EBF3: variants seen among roughly 807,000 people sequenced by gnomAD.
The protein encoded by EBF3 is transcription factor COE3.
EBF3 carries 18 observed loss-of-function variants against 77.1 expected under a neutral mutation model. The ratio of observed to expected loss-of-function variants is 0.23; its 90% CI spans 0.16 to 0.35. The LOEUF is 0.35. Ranked by LOEUF, EBF3 falls within the 10% of genes least tolerant of loss-of-function variation. EBF3 has a pLI of 1.00. For synonymous variants in EBF3, 350 were observed against 343.5 expected (o/e 1.02, Z -0.21); for missense variants, 558 against 860.0 (o/e 0.65, Z 4.39).
intron 7 of EBF3, among the ~76,000 whole-genome samples, chr10:129,875,187 C>CTTCTTTTT (rs1852672323): frequency 5.4e-5 from 5 of 92,932 alleles, no homozygotes; most frequent in African/African-American, 2.1e-4. Flanking sequence ...ATGGCTTCTT[C>CTTCTTTTT]TTTTTTTTTT....
At chr10:129,900,909 T>C (rs931603804) in intron 6 of EBF3, among the ~76,000 whole-genome samples, 1 of 152,128 alleles carries the variant, frequency 6.6e-6, no homozygotes, top group African/African-American at 2.4e-5. Flanking sequence ...TGGGAGCCAT[T>C]GAAAGCACAC....
intron 10 of EBF3, among the ~76,000 whole-genome samples, chr10:129,866,791 G>A (rs1317503270): frequency 6.6e-6 from 1 of 152,144 alleles, no homozygotes; most frequent in East Asian, 1.9e-4. Context: ...ACGGCCCCTA[G>A]CCCCACATGG....
intron 6 of EBF3, among the ~76,000 whole-genome samples, chr10:129,915,477 CACACACACACACACACACACAA>C (rs1229934870): frequency 8.5e-6 from 1 of 117,404 alleles, no homozygotes; most frequent in African/African-American, 3.5e-5. Context: ...CACACACACA[CACACACACACACACACACACAA>C]AAAAGCCAAG....
chr10:129,946,705 G>A (rs1325914993), intron 6 of EBF3, among the ~76,000 whole-genome samples: 1 of 152,194 alleles, frequency 6.6e-6, no homozygotes, highest in African/African-American at 2.4e-5. Context: ...AGAGGGAGAG[G>A]ATCAGTGCCC....
intron 6 of EBF3, among the ~76,000 whole-genome samples, chr10:129,893,017 G>A (rs544528097): frequency 6.6e-5 from 10 of 152,336 alleles, no homozygotes; most frequent in South Asian, 2.1e-4. Context: ...TGAATCAATC[G>A]TGAGAGCAGG....
chr10:129,962,259 A>G, intron 3 of EBF3, 33 bp from the exon 4 acceptor site: 1 of 1,612,116 alleles, frequency 6.2e-7, no homozygotes, highest in African/African-American at 1.3e-5. Flanking sequence ...TCTCATCAGG[A>G]TTTGAGTGCT....
intron 7 of EBF3, among the ~76,000 whole-genome samples, chr10:129,876,326 G>A (rs914042782): frequency 1.3e-5 from 2 of 152,228 alleles, no homozygotes; most frequent in African/African-American, 2.4e-5. Flanking sequence ...ACCTGTAACT[G>A]ACGCTGTGTT....
Position 129,885,884 on chromosome 10 carries a change from T to C in EBF3, c.555-8035A>G, listed in dbSNP as rs996195666. Among the ~76,000 whole-genome samples, 2 of 152,144 alleles carry C rather than the reference T, an allele frequency of 1.3e-5. No individual in the cohort carries two copies. Among genetic ancestry groups the C allele is most frequent in the East Asian group, 3.9e-4 (2 of 5,192 alleles). On this transcript the variant is annotated intron_variant, in intron 6 of 16. Coordinates refer to ENST00000440978, the MANE Select transcript of EBF3 (RefSeq NM_001375380.1). This position sits in a 1 kb window ranked among gnomAD's most constrained non-coding sequence, Gnocchi z 4.0. ...TTAAGTGCCTATGCTTATCCCAACT[T>C]AGGGTTTCAAGCCTCTCCCACCATA...
rs192650853 is a variant in EBF3, at chr10:129,897,181, G to A, written c.555-19332C>T. On this transcript the variant is annotated intron_variant, in intron 6 of 16. Transcript: ENST00000440978. The surrounding 1 kb of genome is among the most constrained non-coding windows in gnomAD (Gnocchi z 4.6). ...GAGCACTGTGGTCACAGACACACTC[G>A]CGGTGTACACGGGCCCTCCACGCAG... Among the ~76,000 whole-genome samples, 23 of 152,308 alleles carry A rather than the reference G, an allele frequency of 1.5e-4. No homozygotes were observed. The East Asian group carries it at 1.5e-3, about 10-fold the overall frequency.
chr10:129,943,739 T>C lies in EBF3; in HGVS notation c.554+13519A>G, dbSNP rs1857966458. 6.6e-6 allele frequency among the ~76,000 whole-genome samples: 1 copy of C among 152,224 alleles called. No individual in the cohort carries two copies. The highest frequency in any genetic ancestry group is 1.5e-5 in the Non-Finnish European group (1 of 68,048). ...CTAGGAATTCTTTTCACAGGCTGCA[T>C]CTATGCTAGCCAATGAAAACAACAC... On this transcript the variant is annotated intron_variant, in intron 6 of 16. Transcript: ENST00000440978. This position sits in a 1 kb window ranked among gnomAD's most constrained non-coding sequence, Gnocchi z 8.8.
chr10:129,915,462 GCACACA>G (rs3041735), intron 6 of EBF3, among the ~76,000 whole-genome samples: 3 of 139,632 alleles, frequency 2.1e-5, no homozygotes, highest in South Asian at 4.7e-4. Flanking sequence ...GCGCACACAT[GCACACA>G]CACACACACA....
In EBF3 at chr10:129,963,063, C is replaced by A; in HGVS notation, c.292-58G>T. The A allele has an allele frequency of 6.2e-7, 1 of 1,602,030 alleles. No individual in the cohort carries two copies. The highest frequency in any genetic ancestry group is 8.6e-7 in the Non-Finnish European group (1 of 1,169,222). ...CGATCGGTGTCAGGCGCGGCCACCA[C>A]GCTCGGTCCCCCTCCGCGACCGAGG... is the stretch of plus-strand genomic sequence containing the variant. On this transcript the variant is annotated intron_variant, in intron 2 of 16. Coordinates refer to ENST00000440978, the MANE Select transcript of EBF3 (RefSeq NM_001375380.1). This position sits in a 1 kb window ranked among gnomAD's most constrained non-coding sequence, Gnocchi z 7.1.
chr10:129,901,796 T>C (rs1440977624), intron 6 of EBF3, among the ~76,000 whole-genome samples: 1 of 152,160 alleles, frequency 6.6e-6, no homozygotes, highest in Admixed American at 6.5e-5. Flanking sequence ...TCTGGTTTAA[T>C]GAGTTGGGGT....
At chr10:129,959,587 C>T (rs1237022339) in intron 4 of EBF3, among the ~76,000 whole-genome samples, 1 of 151,128 alleles carries the variant, frequency 6.6e-6, no homozygotes. Flanking sequence ...GTCTGGCGCC[C>T]CGCGGCTTCC....
At chr10:129,909,094 G>A (rs1855340689) in intron 6 of EBF3, among the ~76,000 whole-genome samples, 1 of 152,198 alleles carries the variant, frequency 6.6e-6, no homozygotes, top group Admixed American at 6.5e-5. Context: ...GAACTTGAAA[G>A]TGAATGGACT....
intron 6 of EBF3, among the ~76,000 whole-genome samples, chr10:129,949,068 G>A (rs1287249037): frequency 6.6e-6 from 1 of 152,170 alleles, no homozygotes; most frequent in Non-Finnish European, 1.5e-5. Flanking sequence ...GGAGGCCAAG[G>A]CCCGAGGATC....
chr10:129,939,127 G>A (rs955298213), intron 6 of EBF3, among the ~76,000 whole-genome samples: 5 of 152,168 alleles, frequency 3.3e-5, no homozygotes, highest in South Asian at 2.1e-4. Context: ...TGTCCTGTGC[G>A]TCAGTGGCAC....
chr10:129,884,899 G>A (rs536470909), intron 6 of EBF3, among the ~76,000 whole-genome samples: 1 of 152,078 alleles, frequency 6.6e-6, no homozygotes, highest in East Asian at 1.9e-4. Context: ...ACTTCCCTCC[G>A]CTGTAGTAAC....
At chr10:129,903,686 A>G (rs1854943586) in intron 6 of EBF3, among the ~76,000 whole-genome samples, 1 of 152,156 alleles carries the variant, frequency 6.6e-6, no homozygotes, top group South Asian at 2.1e-4. Flanking sequence ...GGCCTGGAGG[A>G]AGATGTGATT....
Sources: allele counts gnomAD v4.1 joint callset (sites outside exome capture counted in the v4.1 genomes callset), GRCh38; gene constraint gnomAD v4.1.1; non-coding constraint Gnocchi (gnomAD v3.1); transcripts MANE v1.5; gene names NCBI Gene and HGNC (gene_info 2026-07-23, HGNC 2026-07-21).